The following EPB41L1 variants were observed in gnomAD, a reference collection of about 807,000 sequenced individuals.
EPB41L1 encodes erythrocyte membrane protein band 4.1 like 1.
EPB41L1 carries 29 observed loss-of-function variants against 97.8 expected under a neutral mutation model. The observed-to-expected ratio is 0.30, with a 90% CI of 0.22 to 0.40. EPB41L1 has a LOEUF of 0.40. EPB41L1 is among the 10% of genes least tolerant of loss of function. The probability of loss-of-function intolerance (pLI) is 1.00; values close to 1 mark genes in which losing one functional copy is unlikely to be tolerated. For missense variants in EPB41L1, 812 were observed against 1,162.3 expected, an observed-to-expected ratio of 0.70 and a Z score of 4.38; for synonymous variants, 383 against 459.2, an observed-to-expected ratio of 0.83 and a Z score of 2.12.
chr20:36,164,998 T>C (rs989497773), intron 1 of EPB41L1, among the ~76,000 whole-genome samples: 3 of 151,984 alleles, frequency 2.0e-5, no homozygotes, highest in East Asian at 3.9e-4. Flanking sequence ...TTATTTATTT[T>C]TGAGACAGAA....
chr20:36,141,384 G>A (rs1454792140), intron 2 of EPB41L1, among the ~76,000 whole-genome samples: 2 of 152,054 alleles, frequency 1.3e-5, no homozygotes, highest in Non-Finnish European at 2.9e-5. Flanking sequence ...ATGGGACTCT[G>A]TTAGGTTTCT....
intron 15 of EPB41L1, among the ~76,000 whole-genome samples, chr20:36,210,121 C>T (rs1182606234): frequency 1.3e-5 from 2 of 152,200 alleles, no homozygotes; most frequent in African/African-American, 2.4e-5. Context: ...GTGACCCCAT[C>T]GCTTGCTGAA....
rs1355714814 is a variant in EPB41L1 at position 36,190,523 on chromosome 20, G to A, written c.1125-99G>A. The A allele has an allele frequency of 9.0e-6, 14 of 1,563,680 alleles. No homozygotes were observed. Among genetic ancestry groups the A allele is most frequent in the Non-Finnish European group, 1.1e-5 (13 of 1,140,738 alleles). On this transcript the variant is annotated intron_variant, in intron 10 of 21. Transcript: ENST00000338074. This position sits in a 1 kb window ranked among gnomAD's most constrained non-coding sequence, Gnocchi z 5.8. ...TCCTGGACCACTTTGAATTGTTGTA[G>A]TTGGTGGAGTAGTGGGATGAAAGGC... is the stretch of plus-strand genomic sequence containing the variant.
intron 21 of EPB41L1, among the ~76,000 whole-genome samples, chr20:36,228,544 T>C (rs2064318284): frequency 6.6e-6 from 1 of 152,192 alleles, no homozygotes; most frequent in Admixed American, 6.5e-5. Context: ...GCTATTGCAC[T>C]CCAGCCTGAG....
At chr20:36,192,500 T>G (rs970867721) in intron 11 of EPB41L1, among the ~76,000 whole-genome samples, 16 of 134,536 alleles carry the variant, frequency 1.2e-4, no homozygotes, top group Non-Finnish European at 2.0e-4. Flanking sequence ...GCCACTGTAC[T>G]CTAGCCTGGT....
intron 1 of EPB41L1, among the ~76,000 whole-genome samples, chr20:36,111,308 C>G (rs897620775): frequency 2.6e-5 from 4 of 152,182 alleles, no homozygotes; most frequent in Non-Finnish European, 5.9e-5. Flanking sequence ...GTAGGAACAC[C>G]TCATCCCACC....
intron 7 of EPB41L1, among the ~76,000 whole-genome samples, chr20:36,186,208 G>A (rs73289624): frequency 0.037 from 5,644 of 152,260 alleles, 248 homozygotes; most frequent in East Asian, 0.13. Context: ...CTGGAGAGGA[G>A]CCCTTGGAAC....
intron 1 of EPB41L1, among the ~76,000 whole-genome samples, chr20:36,172,224 A>T (rs983433230): frequency 6.6e-6 from 1 of 151,976 alleles, no homozygotes; most frequent in Non-Finnish European, 1.5e-5. Flanking sequence ...GATTACAGGC[A>T]TGCATCACCA....
chr20:36,190,860 A>G lies in EPB41L1; in HGVS notation c.1300+63A>G. ...TTCAGAGGGAACTGGGGGAGTGGGC[A>G]TGCTGGGTTCTGCAGAATGAGCAGG... On this transcript the variant is annotated intron_variant, in intron 11 of 21. Coordinates refer to ENST00000338074, the MANE Select transcript of EPB41L1 (RefSeq NM_012156.2). The surrounding 1 kb of genome is among the most constrained non-coding windows in gnomAD (Gnocchi z 5.8). 6.3e-7 allele frequency: 1 copy of G among 1,593,542 alleles called. No homozygotes were observed. The highest frequency in any genetic ancestry group is 8.5e-7 in the Non-Finnish European group (1 of 1,172,694).
chr20:36,138,262 C>CT (rs34787525), intron 2 of EPB41L1, among the ~76,000 whole-genome samples: 2,901 of 131,782 alleles, frequency 0.022, 105 homozygotes, highest in East Asian at 0.16. Context: ...ATGGTTAGCA[C>CT]TTTTTTTTTT....
At position 36,224,828 on chromosome 20, in the gene EPB41L1, A is replaced by T. The variant is rs868428216; in HGVS notation, c.2637+2434A>T. 8.4e-4 allele frequency among the ~76,000 whole-genome samples: 126 copies of T among 149,288 alleles called. 2 individuals are homozygous for T. Among genetic ancestry groups the T allele is most frequent in the African/African-American group, 2.6e-3 (106 of 40,836 alleles). ...AGAAAATCTATTATCTAGGAAAAAA[A>T]TTTTTTTTTTTGAGACGGAGTCTCA... On this transcript the variant is annotated intron_variant, in intron 21 of 21. Transcript: ENST00000338074.
rs763287734 is a variant in EPB41L1, at chr20:36,206,262, G to A, written c.1669-3226G>A. On this transcript the variant is annotated intron_variant, in intron 14 of 21. Transcript: ENST00000338074. This position sits in a 1 kb window ranked among gnomAD's most constrained non-coding sequence, Gnocchi z 5.5. The stretch of plus-strand genomic sequence containing the variant: ...ACCGCTGCATGTCAGATGGTCAGCC[G>A]GAGGGCCAGACAGAGCTGAGGAAGG... 3.5e-5 allele frequency: 45 copies of A among 1,289,912 alleles called. No individual in the cohort carries two copies. The South Asian group carries it at 3.8e-4, about 11-fold the overall frequency. 79.9% of individuals were successfully genotyped at this position (1,289,912 alleles called of 1,614,324 possible).
At chr20:36,101,013 A>G (rs895392213) in intron 1 of EPB41L1, among the ~76,000 whole-genome samples, 3 of 151,934 alleles carry the variant, frequency 2.0e-5, no homozygotes, top group East Asian at 1.9e-4. Context: ...CTTTTTTCCT[A>G]GTTATTGTTT....
At chr20:36,185,845 C>G (rs1025622881) in intron 7 of EPB41L1, among the ~76,000 whole-genome samples, 1 of 152,110 alleles carries the variant, frequency 6.6e-6, no homozygotes, top group Non-Finnish European at 1.5e-5. Flanking sequence ...TGTTGGGAAG[C>G]CTAAATAGCA....
chr20:36,216,352 C>T (rs2063441099), intron 17 of EPB41L1, among the ~76,000 whole-genome samples: 1 of 152,062 alleles, frequency 6.6e-6, no homozygotes, highest in African/African-American at 2.4e-5. Flanking sequence ...GGGGAAGGAC[C>T]AGTGGTCAAG....
intron 17 of EPB41L1, 81 bp downstream of exon 17, chr20:36,214,521 G>A: frequency 2.5e-6 from 3 of 1,182,966 alleles, no homozygotes; most frequent in East Asian, 2.5e-5. Flanking sequence ...AACATCGCCT[G>A]GCTGCTTCAG....
chr20:36,192,586 G>A (rs1370747026), intron 11 of EPB41L1, among the ~76,000 whole-genome samples: 1 of 151,134 alleles, frequency 6.6e-6, no homozygotes, highest in Non-Finnish European at 1.5e-5. Flanking sequence ...TAGGGAAACC[G>A]TGGATACTCC....
chr20:36,178,731 G>GC (rs767528501), intron 5 of EPB41L1, 59 bp downstream of exon 5: 1 of 1,558,662 alleles, frequency 6.4e-7, no homozygotes, highest in Non-Finnish European at 8.9e-7. Flanking sequence ...GGCCATGAGA[G>GC]CCCCCCTTGT....
At chr20:36,154,696 G>A (rs2060211156), upstream of EPB41L1, 1 of 983,318 alleles carries the variant, frequency 1.0e-6, no homozygotes, top group Non-Finnish European at 1.2e-6. The surrounding 1 kb of genome is among the most constrained non-coding windows in gnomAD (Gnocchi z 5.5). Context: ...ACCGTGCCCA[G>A]CCCCTGGCGC....
Sources: gnomAD v4.1 joint callset for allele counts (sites outside exome capture counted in the v4.1 genomes callset) on GRCh38, gnomAD v4.1.1 for gene constraint, Gnocchi (gnomAD v3.1) non-coding constraint, MANE v1.5 for transcripts, NCBI Gene and HGNC (gene_info 2026-07-23, HGNC 2026-07-21) for gene names.